Variants in NMUR2 observed in about 807,000 individuals in gnomAD.
The protein encoded by NMUR2 is neuromedin U receptor 2, also known as neuromedin-U receptor 2.
In NMUR2, 24 loss-of-function variants were observed where a neutral mutation model predicts 25.1. That is an observed-to-expected ratio of 0.96 (90% CI 0.69 to 1.34). The LOEUF (loss-of-function observed/expected upper bound fraction) is 1.34, where lower values mean the gene tolerates loss of function less well. Ranked by LOEUF, NMUR2 falls within the 40% of genes most tolerant of loss-of-function variation. The probability of loss-of-function intolerance (pLI) is 0.00; values close to 1 mark genes in which losing one functional copy is unlikely to be tolerated. For missense variants in NMUR2, 533 were observed against 512.8 expected (o/e 1.04, Z -0.38); for synonymous variants, 218 against 208.1 (o/e 1.05, Z -0.41).
Position 152,403,391 on chromosome 5 carries a change from A to G in NMUR2, c.726+997T>C, listed in dbSNP as rs572758746. Among the ~76,000 whole-genome samples, 167 of 152,252 alleles carry G rather than the reference A, an allele frequency of 1.1e-3. 1 individual carries two copies. The highest frequency in any genetic ancestry group is 3.8e-3 in the African/African-American group (156 of 41,544). On this transcript the variant is annotated intron_variant, in intron 1 of 3. Transcript: ENST00000255262. ...GTCATTGTGAAGAACTTTTCTCTTC[A>G]TGAATTTGGGTGCAGAATATACCAG... is the stretch of plus-strand genomic sequence containing the variant.
Position 152,392,074 on chromosome 5 carries a change from G to T in NMUR2, c.*117C>A. 1 of 849,710 alleles carries T rather than the reference G, an allele frequency of 1.2e-6. No homozygotes were observed. Among genetic ancestry groups the T allele is most frequent in the Non-Finnish European group, 1.8e-6 (1 of 549,718 alleles). 52.6% of individuals were successfully genotyped at this position (849,710 alleles called of 1,614,324 possible). A position where few individuals can be genotyped will look rare whatever the true frequency, so the allele number is the denominator to read the frequency against. On this transcript the variant is annotated 3_prime_UTR_variant, in exon 4 of 4. Coordinates refer to ENST00000255262, the MANE Select transcript of NMUR2 (RefSeq NM_020167.5). Reference sequence around the variant, plus strand: ...TATTAAAAAAAAAAAAACTAGCAATGGGTACATGAGTTGTAAGAGCCATTC... The same window carrying T: ...TATTAAAAAAAAAAAAACTAGCAATTGGTACATGAGTTGTAAGAGCCATTC...
Position 152,396,628 on chromosome 5 carries a change from G to A in NMUR2, c.812-1044C>T, listed in dbSNP as rs368500850. On this transcript the variant is annotated intron_variant, in intron 2 of 3. Transcript: ENST00000255262. ...ATTAAAACTTTAATTCCTGACGGGC[G>A]TGGTGGCTCAGGCCTATAATCCCAG... is the stretch of plus-strand genomic sequence containing the variant. 9.9e-5 allele frequency among the ~76,000 whole-genome samples: 15 copies of A among 152,198 alleles called. 1 individual carries two copies. Among genetic ancestry groups the A allele is most frequent in the African/African-American group, 2.9e-4 (12 of 41,526 alleles).
Position 152,395,570 on chromosome 5 carries a change from C to G in NMUR2, c.826G>C (p.Val276Leu), listed in dbSNP as rs745847796. Residue 276 changes from valine (V) to leucine (L), a missense_variant, in exon 3 of 4, where the codon GTG becomes CTG. Coordinates refer to ENST00000255262, the MANE Select transcript of NMUR2 (RefSeq NM_020167.5). Reference sequence around the variant, plus strand: ...AACGGGGCCCAACAGATAGCAAACACTAAGACCAAGACAACTGAAAATGGA... The same window carrying G: ...AACGGGGCCCAACAGATAGCAAACAGTAAGACCAAGACAACTGAAAATGGA... Reference protein sequence around the residue: ...VNKMLFVLVLVFAICWAPFHI... With the variant: ...VNKMLFVLVLLFAICWAPFHI... 1.5e-5 allele frequency: 25 copies of G among 1,613,324 alleles called. No homozygotes were observed. Among genetic ancestry groups the G allele is most frequent in the Non-Finnish European group, 1.9e-5 (23 of 1,179,736 alleles).
intron 3 of NMUR2, among the ~76,000 whole-genome samples, chr5:152,394,530 A>G (rs1019990301): frequency 2.6e-4 from 39 of 152,194 alleles, no homozygotes; most frequent in African/African-American, 9.2e-4. Flanking sequence ...GCCTAAGGCT[A>G]ACACTGAGTT....
intron 3 of NMUR2, among the ~76,000 whole-genome samples, chr5:152,394,331 A>G (rs1753113385): frequency 6.6e-6 from 1 of 152,216 alleles, no homozygotes; most frequent in Non-Finnish European, 1.5e-5. Flanking sequence ...TACAAAAAAG[A>G]GGGTGACAGA....
chr5:152,398,263 A>G, intron 1 of NMUR2, 119 bp from the exon 2 acceptor site: 1 of 682,652 alleles, frequency 1.5e-6, no homozygotes, highest in Non-Finnish European at 2.5e-6. Context: ...AGACCTAGAG[A>G]AATGTAAGAC....
Position 152,392,114 on chromosome 5 carries a change from C to T in NMUR2, c.*77G>A. The T allele has an allele frequency of 1.1e-5, 14 of 1,217,560 alleles. No individual in the cohort carries two copies. The highest frequency in any genetic ancestry group is 1.6e-5 in the Non-Finnish European group (14 of 857,452). The allele number at this position is 1,217,560 out of a possible 1,614,324, so 75.4% of individuals were successfully genotyped here. ...AAGAGCCATTCTACCTCTCTAATAT[C>T]ATATGAGAAGGCATACATTATGGGA... On this transcript the variant is annotated 3_prime_UTR_variant, in exon 4 of 4. Coordinates refer to ENST00000255262, the MANE Select transcript of NMUR2 (RefSeq NM_020167.5).
chr5:152,396,721 G>A (rs76626501), intron 2 of NMUR2, among the ~76,000 whole-genome samples: 2,305 of 152,068 alleles, frequency 0.015, 64 homozygotes, highest in African/African-American at 0.053. Context: ...ACAAAAGCCC[G>A]TCTTTACTAA....
At chr5:152,397,031 T>G (rs1753165770) in intron 2 of NMUR2, among the ~76,000 whole-genome samples, 1 of 148,818 alleles carries the variant, frequency 6.7e-6, no homozygotes, top group African/African-American at 2.5e-5. Flanking sequence ...TTTTTTTTTT[T>G]GTGAGAGTAG....
At chr5:152,395,959 A>G (rs1314725765) in intron 2 of NMUR2, among the ~76,000 whole-genome samples, 2 of 152,142 alleles carry the variant, frequency 1.3e-5, no homozygotes, top group African/African-American at 4.8e-5. Context: ...GAATAATTAG[A>G]AGTTTCTCTG....
chr5:152,398,197 C>G, intron 1 of NMUR2, 53 bp from the exon 2 acceptor site: 1 of 1,325,974 alleles, frequency 7.5e-7, no homozygotes, highest in South Asian at 1.2e-5. Flanking sequence ...CATTTTTCCT[C>G]CTGTTAAAAT....
At chr5:152,398,257 C>G (rs1414752054) in intron 1 of NMUR2, 113 bp from the exon 2 acceptor site, 24 of 709,632 alleles carry the variant, frequency 3.4e-5, no homozygotes, top group South Asian at 3.0e-4. Context: ...GAACTGAGAC[C>G]TAGAGAAATG....
intron 1 of NMUR2, among the ~76,000 whole-genome samples, chr5:152,400,624 G>C (rs1056166372): frequency 2.6e-5 from 4 of 152,156 alleles, no homozygotes; most frequent in African/African-American, 9.7e-5. Context: ...TTAGAGCAAT[G>C]TATCAAACTT....
chr5:152,405,166 C>A lies in NMUR2; in HGVS notation c.-53G>T. On this transcript the variant is annotated 5_prime_UTR_variant, in exon 1 of 4. Coordinates refer to ENST00000255262, the MANE Select transcript of NMUR2 (RefSeq NM_020167.5). The stretch of plus-strand genomic sequence containing the variant: ...GTACGAGGCTCTGTTTCAAGCTGAG[C>A]CAGGAAAAAAAAAAAAAAAAGAAAA... 7 of 1,378,528 alleles carry A rather than the reference C, an allele frequency of 5.1e-6. No individual in the cohort carries two copies. Among genetic ancestry groups the A allele is most frequent in the South Asian group, 1.8e-5 (1 of 54,834 alleles). The allele number at this position is 1,378,528 out of a possible 1,614,324, so 85.4% of individuals were successfully genotyped here.
At chr5:152,403,520 A>G (rs1357650799) in intron 1 of NMUR2, among the ~76,000 whole-genome samples, 1 of 152,108 alleles carries the variant, frequency 6.6e-6, no homozygotes, top group Non-Finnish European at 1.5e-5. Flanking sequence ...CACCATAAAC[A>G]TAGGAAAAGA....
chr5:152,399,881 A>G (rs1011057711), intron 1 of NMUR2, among the ~76,000 whole-genome samples: 1 of 152,176 alleles, frequency 6.6e-6, no homozygotes, highest in African/African-American at 2.4e-5. Context: ...GAATCAATCT[A>G]TTTAGTTACA....
In NMUR2 at chr5:152,392,228, C is replaced by T; in HGVS notation, c.1211G>A (p.Arg404Lys). ...PAALSSEQMS[R>K]TNYQSFHFNK... ...AAAGTGGAAGCTTTGATAGTTTGTTCTTGACATCTGTTCACTAGAGAGGGC... is the reference window on the plus strand; with the variant it reads ...AAAGTGGAAGCTTTGATAGTTTGTTTTTGACATCTGTTCACTAGAGAGGGC... The change falls in exon 4 of 4, where the codon AGA becomes AAA. Residue 404 changes from arginine to lysine, a missense_variant. Transcript: ENST00000255262. 6.2e-7 allele frequency: 1 copy of T among 1,613,520 alleles called. No homozygotes were observed. Among genetic ancestry groups the T allele is most frequent in the Non-Finnish European group, 8.5e-7 (1 of 1,179,648 alleles).
intron 1 of NMUR2, among the ~76,000 whole-genome samples, chr5:152,403,328 C>G (rs778520618): frequency 1.3e-5 from 2 of 152,166 alleles, no homozygotes; most frequent in Non-Finnish European, 2.9e-5. Flanking sequence ...CTGTTTACTA[C>G]ACAAGCTATA....
rs1245460118 is a variant in NMUR2 at position 152,404,658 on chromosome 5, G to A, written c.456C>T (p.Phe152=). 2 of 1,613,778 alleles carry A rather than the reference G, an allele frequency of 1.2e-6. No individual in the cohort carries two copies. The highest frequency in any genetic ancestry group is 8.5e-7 in the Non-Finnish European group (1 of 1,180,024). ...GCCGGGTGCTCTGCAGTTTGGCGCG[G>A]AACGGGTGTAGGATGGCCACGTAGC... is the stretch of plus-strand genomic sequence containing the variant. ...VERYVAILHP[F]RAKLQSTRRR... Residue 152 remains phenylalanine, a synonymous_variant, in exon 1 of 4, where the codon TTC becomes TTT. Transcript: ENST00000255262.
Sources: allele counts gnomAD v4.1 joint callset (sites outside exome capture counted in the v4.1 genomes callset), GRCh38; gene constraint gnomAD v4.1.1; transcripts MANE v1.5; gene names NCBI Gene and HGNC (gene_info 2026-07-23, HGNC 2026-07-21).